Variants in CDH18 observed in about 807,000 individuals in gnomAD.
The protein encoded by CDH18 is cadherin-18.
Under a neutral mutation model 67.9 loss-of-function variants are expected in CDH18, and 31 were observed. The ratio of observed to expected loss-of-function variants is 0.46; its 90% CI spans 0.34 to 0.62. The LOEUF is 0.62. Ranked by LOEUF, CDH18 falls within the 20% of genes least tolerant of loss-of-function variation. CDH18 has a pLI of 0.01. For synonymous variants in CDH18, 362 were observed against 347.2 expected, an observed-to-expected ratio of 1.04 and a Z score of -0.48; for missense variants, 890 against 975.5, an observed-to-expected ratio of 0.91 and a Z score of 1.17.
chr5:19,669,158 TATATC>T (rs1054201452), intron 5 of CDH18, among the ~76,000 whole-genome samples: 2 of 146,122 alleles, frequency 1.4e-5, no homozygotes, highest in African/African-American at 5.0e-5. Flanking sequence ...TATAATATCA[TATATC>T]ATATATATCA....
At chr5:19,746,871 G>A in intron 4 of CDH18, 71 bp downstream of exon 4, 1 of 1,193,042 alleles carries the variant, frequency 8.4e-7, no homozygotes, top group Non-Finnish European at 1.2e-6. Context: ...AGTAAAAATT[G>A]GTATTCTAAA....
chr5:19,582,659 T>C (rs944605885), intron 7 of CDH18, among the ~76,000 whole-genome samples: 1 of 152,162 alleles, frequency 6.6e-6, no homozygotes, highest in Middle Eastern at 3.4e-3. Context: ...TAAGGAATGT[T>C]CATATTTTGT....
chr5:20,174,445 C>T (rs2126661672), intron 2 of CDH18, among the ~76,000 whole-genome samples: 1 of 152,192 alleles, frequency 6.6e-6, no homozygotes, highest in Middle Eastern at 3.4e-3. Flanking sequence ...AGAAAGGTAA[C>T]ACAGATACAC....
At chr5:20,042,991 A>G (rs1213080327) in intron 2 of CDH18, among the ~76,000 whole-genome samples, 8 of 151,718 alleles carry the variant, frequency 5.3e-5, no homozygotes, top group Admixed American at 5.3e-4. Flanking sequence ...TTAATTAATT[A>G]AAATAAAACA....
chr5:20,509,295 T>G, intron 1 of CDH18, among the ~76,000 whole-genome samples: 1 of 152,172 alleles, frequency 6.6e-6, no homozygotes, highest in East Asian at 1.9e-4. Flanking sequence ...ATAAACTTTT[T>G]TAGATACTAC....
At chr5:20,029,087 C>T (rs879756952) in intron 2 of CDH18, among the ~76,000 whole-genome samples, 5 of 152,152 alleles carry the variant, frequency 3.3e-5, no homozygotes, top group East Asian at 1.9e-4. Flanking sequence ...CAATTATTCA[C>T]GCATTACCCT....
chr5:19,793,081 C>A (rs1353599477), intron 3 of CDH18, among the ~76,000 whole-genome samples: 5 of 152,036 alleles, frequency 3.3e-5, no homozygotes, highest in African/African-American at 1.2e-4. Flanking sequence ...AGCTAATACT[C>A]CTCCTCCTCC....
At chr5:20,390,860 C>A (rs1456798002) in intron 1 of CDH18, among the ~76,000 whole-genome samples, 2 of 152,074 alleles carry the variant, frequency 1.3e-5, no homozygotes, top group Non-Finnish European at 2.9e-5. Context: ...AGCTGGAAAC[C>A]ATCATTCTCA....
chr5:20,231,654 G>T (rs1278226569), intron 2 of CDH18, among the ~76,000 whole-genome samples: 1 of 151,588 alleles, frequency 6.6e-6, no homozygotes, highest in East Asian at 1.9e-4. Flanking sequence ...AAGAAACAAA[G>T]AAATCACTGG....
At chr5:19,840,274 C>CA (rs770658457) in intron 2 of CDH18, among the ~76,000 whole-genome samples, 106 of 48,494 alleles carry the variant, frequency 2.2e-3, no homozygotes, top group East Asian at 5.4e-3. Context: ...GACTCCGTCT[C>CA]AAAAAAAAAA....
chr5:20,205,450 C>T (rs1345696859), intron 2 of CDH18, among the ~76,000 whole-genome samples: 1 of 151,772 alleles, frequency 6.6e-6, no homozygotes, highest in African/African-American at 2.4e-5. Flanking sequence ...TTCAACACCC[C>T]ACTGTCAGTA....
intron 3 of CDH18, among the ~76,000 whole-genome samples, chr5:19,776,191 A>G (rs1044246984): frequency 2.0e-5 from 3 of 152,328 alleles, no homozygotes; most frequent in African/African-American, 7.2e-5. Flanking sequence ...ATTTGACACA[A>G]TAAAGAAAAT....
In CDH18 at chr5:20,291,815, C is replaced by A. The variant is rs1036097907; in HGVS notation, c.-579-36310G>T. Among the ~76,000 whole-genome samples, 19 of 152,184 alleles carry A rather than the reference C, an allele frequency of 1.2e-4. No individual in the cohort carries two copies. In the East Asian group the frequency reaches 3.1e-3, roughly 25 times the overall value. Reference sequence around the variant, plus strand: ...GTAGGTCCAAAGCAATTTTTCCAGGCACCCATTGATCCTAAACTGCCTTTA... The same window carrying A: ...GTAGGTCCAAAGCAATTTTTCCAGGAACCCATTGATCCTAAACTGCCTTTA... On this transcript the variant is annotated intron_variant, in intron 1 of 14. Coordinates refer to the CDH18 transcript ENST00000507958.
At chr5:19,534,745 T>A (rs941338534) in intron 9 of CDH18, among the ~76,000 whole-genome samples, 11 of 152,146 alleles carry the variant, frequency 7.2e-5, no homozygotes, top group African/African-American at 2.2e-4. Context: ...TGGCTTTCCA[T>A]ATTTAACAAG....
At chr5:19,761,915 C>T (rs1260507011) in intron 3 of CDH18, among the ~76,000 whole-genome samples, 3 of 152,110 alleles carry the variant, frequency 2.0e-5, no homozygotes, top group African/African-American at 7.2e-5. Flanking sequence ...TGGAACAGAA[C>T]AGAGCCCTCA....
intron 11 of CDH18, among the ~76,000 whole-genome samples, chr5:19,499,605 C>T (rs1003674461): frequency 2.6e-5 from 4 of 151,710 alleles, no homozygotes; most frequent in Admixed American, 6.6e-5. Context: ...TTTGTCTAAC[C>T]AATTTTTTTA....
At chr5:20,130,613 C>T (rs377642094) in intron 2 of CDH18, among the ~76,000 whole-genome samples, 10 of 151,904 alleles carry the variant, frequency 6.6e-5, no homozygotes, top group African/African-American at 2.4e-4. Context: ...GTAGGAGGGA[C>T]TTCTACTTAT....
chr5:20,111,410 A>C (rs900190406), intron 2 of CDH18, among the ~76,000 whole-genome samples: 52 of 152,272 alleles, frequency 3.4e-4, no homozygotes, highest in African/African-American at 1.2e-3. Context: ...GAGTATAGGG[A>C]GACCATATTT....
At chr5:19,601,479 G>A (rs1254210185) in intron 6 of CDH18, among the ~76,000 whole-genome samples, 1 of 151,988 alleles carries the variant, frequency 6.6e-6, no homozygotes, top group Non-Finnish European at 1.5e-5. Context: ...TCCCAAGAAA[G>A]AAAAGCCCTG....
Sources: allele counts gnomAD v4.1 joint callset (sites outside exome capture counted in the v4.1 genomes callset), GRCh38; gene constraint gnomAD v4.1.1; transcripts MANE v1.5; gene names NCBI Gene and HGNC (gene_info 2026-07-23, HGNC 2026-07-21).